Variants in RGS20 observed in about 807,000 individuals in gnomAD.
The protein encoded by RGS20 is regulator of G protein signaling 20, also known as gz-selective GTPase-activating protein.
Under a neutral mutation model 33.6 loss-of-function variants are expected in RGS20, and 30 were observed. The observed-to-expected ratio is 0.89, with a 90% CI of 0.67 to 1.21. RGS20 has a LOEUF of 1.21. RGS20 is among the 50% of genes most tolerant of loss of function. The probability of loss-of-function intolerance (pLI) is 0.00; values close to 1 mark genes in which losing one functional copy is unlikely to be tolerated. For missense variants in RGS20, 472 were observed against 502.4 expected, an observed-to-expected ratio of 0.94 and a Z score of 0.58; for synonymous variants, 208 against 197.9, an observed-to-expected ratio of 1.05 and a Z score of -0.43.
chr8:53,942,449 ACT>A (rs1814326885), intron 3 of RGS20, among the ~76,000 whole-genome samples: 1 of 151,648 alleles, frequency 6.6e-6, no homozygotes, highest in African/African-American at 2.4e-5. Flanking sequence ...ACAGAGTGAG[ACT>A]CTGTCTGAAA....
intron 2 of RGS20, among the ~76,000 whole-genome samples, chr8:53,916,548 A>G (rs898485577): frequency 6.6e-6 from 1 of 152,148 alleles, no homozygotes; most frequent in Non-Finnish European, 1.5e-5. Flanking sequence ...TTGTTGCTGA[A>G]GAGAAGTATG....
chr8:53,944,481 G>A (rs1814409929), intron 3 of RGS20, among the ~76,000 whole-genome samples: 1 of 151,632 alleles, frequency 6.6e-6, no homozygotes. Flanking sequence ...GAGGTTGTAG[G>A]GAGCTGAGAT....
At chr8:53,869,980 C>T (rs1264990885) in intron 1 of RGS20, among the ~76,000 whole-genome samples, 1 of 152,086 alleles carries the variant, frequency 6.6e-6, no homozygotes, top group African/African-American at 2.4e-5. Flanking sequence ...AGCACCTGTG[C>T]TTTTGTGTCA....
intron 3 of RGS20, among the ~76,000 whole-genome samples, chr8:53,943,616 TTC>T (rs375706092): frequency 1.3e-4 from 20 of 152,320 alleles, no homozygotes; most frequent in African/African-American, 4.6e-4. Flanking sequence ...AAAAAAATTC[TTC>T]TCTTTTTCAA....
In RGS20 at chr8:53,879,304, T is replaced by TGTAACTGG; in HGVS notation, c.214_215insAACTGGGT (p.Phe72Ter). ...CCAGACTCGCCCGCCGCCCCGAAGC[T>TGTAACTGG]GTTCGGCCTCCTTTCTAGCCCGCTT... On this transcript the variant is annotated stop_gained and frameshift_variant, in exon 2 of 6. Transcript: ENST00000297313. LOFTEE classifies it high-confidence loss of function. 6.2e-7 allele frequency: 1 copy of TGTAACTGG among 1,613,686 alleles called. No homozygotes were observed. Among genetic ancestry groups the TGTAACTGG allele is most frequent in the Non-Finnish European group, 8.5e-7 (1 of 1,179,976 alleles).
At chr8:53,884,154 T>C (rs1192401450) in intron 2 of RGS20, among the ~76,000 whole-genome samples, 2 of 150,822 alleles carry the variant, frequency 1.3e-5, no homozygotes, top group African/African-American at 4.9e-5. Flanking sequence ...GTATGCATAA[T>C]GAAACACATG....
intron 1 of RGS20, among the ~76,000 whole-genome samples, chr8:53,872,141 T>G (rs1246310434): frequency 6.6e-6 from 1 of 152,228 alleles, no homozygotes; most frequent in Non-Finnish European, 1.5e-5. Context: ...CAGCCTGCAC[T>G]TACAATCCAT....
intron 1 of RGS20, among the ~76,000 whole-genome samples, chr8:53,874,149 C>T (rs77234095): frequency 0.036 from 5,390 of 151,764 alleles, 277 homozygotes; most frequent in African/African-American, 0.11. Context: ...GCAGTGAGCC[C>T]GGTGATCCAA....
At chr8:53,947,282 AT>A (rs1321288752) in intron 4 of RGS20, among the ~76,000 whole-genome samples, 3 of 140,288 alleles carry the variant, frequency 2.1e-5, no homozygotes, top group Admixed American at 7.3e-5. Flanking sequence ...GATATAGCAT[AT>A]ATATTTATAC....
chr8:53,932,947 C>A (rs1204055568), intron 2 of RGS20, among the ~76,000 whole-genome samples: 1 of 152,182 alleles, frequency 6.6e-6, no homozygotes, highest in Non-Finnish European at 1.5e-5. Context: ...GTTCTGCAGC[C>A]TTTGCTAGTG....
At chr8:53,920,236 A>T (rs1485985360) in intron 2 of RGS20, among the ~76,000 whole-genome samples, 2 of 152,038 alleles carry the variant, frequency 1.3e-5, no homozygotes, top group Non-Finnish European at 2.9e-5. Flanking sequence ...AAATCTTATA[A>T]TTCTTTTATT....
At chr8:53,860,021 G>T (rs546582077) in intron 1 of RGS20, among the ~76,000 whole-genome samples, 200 of 152,206 alleles carry the variant, frequency 1.3e-3, no homozygotes, top group African/African-American at 4.3e-3. Context: ...GTTTTTCTAG[G>T]TTCTCTAGAA....
chr8:53,879,539 C>G lies in RGS20; in HGVS notation c.447C>G (p.Pro149=). 6.5e-7 allele frequency: 1 copy of G among 1,542,578 alleles called. No individual in the cohort carries two copies. Among genetic ancestry groups the G allele is most frequent in the Non-Finnish European group, 8.7e-7 (1 of 1,144,880 alleles). The change falls in exon 2 of 6, where the codon CCC becomes CCG. Residue 149 remains proline (P), a synonymous_variant. Transcript: ENST00000297313. ...CCTCGGGGGGTCGTCCGCTGAGGCCCCCCCATCCGGTAGCCAAGCCCAGGG... is the reference window on the plus strand; with the variant it reads ...CCTCGGGGGGTCGTCCGCTGAGGCCGCCCCATCCGGTAGCCAAGCCCAGGG...
chr8:53,851,969 C>T lies in RGS20; in HGVS notation c.70C>T (p.Gln24Ter). 1 of 1,614,148 alleles carries T rather than the reference C, an allele frequency of 6.2e-7. No individual in the cohort carries two copies. The highest frequency in any genetic ancestry group is 8.5e-7 in the Non-Finnish European group (1 of 1,180,010). Residue 24 changes from glutamine (Q) to a stop codon, truncating the protein, a stop_gained, in exon 1 of 6, where the codon CAG becomes TAG. Coordinates refer to ENST00000297313, the MANE Select transcript of RGS20 (RefSeq NM_170587.4). LOFTEE classifies it high-confidence loss of function. ...TTTCTCCAGGCCGTCTATATGGACA[C>T]AGTTTCTGCCCCTGTTCAGGGCTCA...
chr8:53,903,876 G>C (rs1813096284), intron 2 of RGS20, among the ~76,000 whole-genome samples: 1 of 152,154 alleles, frequency 6.6e-6, no homozygotes, highest in Non-Finnish European at 1.5e-5. Context: ...TGGAGGCAGA[G>C]TGAGTGGCTG....
intron 2 of RGS20, among the ~76,000 whole-genome samples, chr8:53,909,209 G>GTATATATATATATATA (rs1178436696): frequency 2.3e-5 from 1 of 43,724 alleles, no homozygotes; most frequent in African/African-American, 1.1e-4. Flanking sequence ...TGGTATGTGT[G>GTATATATATATATATA]TATATATATA....
chr8:53,897,849 T>C (rs988468369), intron 2 of RGS20, among the ~76,000 whole-genome samples: 1 of 152,204 alleles, frequency 6.6e-6, no homozygotes, highest in Admixed American at 6.5e-5. Context: ...GTCTGCAAAA[T>C]TGGCTCGCTT....
At chr8:53,874,756 G>A (rs1288666882) in intron 1 of RGS20, among the ~76,000 whole-genome samples, 1 of 152,174 alleles carries the variant, frequency 6.6e-6, no homozygotes, top group African/African-American at 2.4e-5. Context: ...CATTCTCTCT[G>A]TGTGTATATC....
intron 2 of RGS20, among the ~76,000 whole-genome samples, chr8:53,930,800 C>T (rs989503482): frequency 3.9e-5 from 6 of 152,032 alleles, no homozygotes; most frequent in East Asian, 1.9e-4. Flanking sequence ...CTGCCTGCCT[C>T]GGCCTCCCAA....
Sources: gnomAD v4.1 joint callset for allele counts (sites outside exome capture counted in the v4.1 genomes callset) on GRCh38, gnomAD v4.1.1 for gene constraint, MANE v1.5 for transcripts, NCBI Gene and HGNC (gene_info 2026-07-23, HGNC 2026-07-21) for gene names.